SOX15: variants seen among roughly 807,000 people sequenced by gnomAD.
SOX15 encodes the protein transcription factor SOX-15.
SOX15 carries 12 observed loss-of-function variants against 15.9 expected under a neutral mutation model. The observed-to-expected ratio is 0.75, with a 90% CI of 0.48 to 1.22. SOX15 has a LOEUF of 1.22. Ranked by LOEUF, SOX15 falls within the 50% of genes most tolerant of loss-of-function variation. SOX15 has a pLI of 0.00. For missense variants in SOX15, 309 were observed against 313.9 expected, an observed-to-expected ratio of 0.98 and a Z score of 0.12; for synonymous variants, 149 against 142.8, an observed-to-expected ratio of 1.04 and a Z score of -0.31.
In SOX15 at chr17:7,589,690, C is replaced by A; in HGVS notation, c.-14G>T. On this transcript the variant is annotated 5_prime_UTR_variant, in exon 1 of 2. Transcript: ENST00000250055. The stretch of plus-strand genomic sequence containing the variant: ...TGGTAGCGCCATGGGTTGGGAGAAG[C>A]CTTAAGAGGGCGTCCTGAATGCCCT... 1 of 1,521,394 alleles carries A rather than the reference C, an allele frequency of 6.6e-7. No individual in the cohort carries two copies. The highest frequency in any genetic ancestry group is 8.8e-7 in the Non-Finnish European group (1 of 1,140,300). The allele number at this position is 1,521,394 out of a possible 1,614,324, so 94.2% of individuals were successfully genotyped here.
Position 7,588,337 on chromosome 17 carries a change from GGAGGAT to G in SOX15, c.*35_*40del. On this transcript the variant is annotated 3_prime_UTR_variant, in exon 2 of 2. Transcript: ENST00000250055. Reference sequence around the variant, plus strand: ...TAGGGGATGCTGCTGGATTAAAAAAGGAGGATGAGGCCCGTCCCGTGAGGTCTGCGT... The same window carrying G: ...TAGGGGATGCTGCTGGATTAAAAAAGGAGGCCCGTCCCGTGAGGTCTGCGT... 1 of 1,598,380 alleles carries G rather than the reference GGAGGAT, an allele frequency of 6.3e-7. No individual in the cohort carries two copies. The highest frequency in any genetic ancestry group is 8.6e-7 in the Non-Finnish European group (1 of 1,165,778).
At chr17:7,588,670 A>G in intron 1 of SOX15, 124 bp from the exon 2 acceptor site, 1 of 1,083,628 alleles carries the variant, frequency 9.2e-7, no homozygotes, top group South Asian at 1.3e-5. Context: ...CGCTGGGCGC[A>G]GCAGGCATGG....
Position 7,589,290 on chromosome 17 carries a change from G to A in SOX15, c.387C>T (p.Ala129=), listed in dbSNP as rs778097992. The change falls in exon 1 of 2, where the codon GCC becomes GCT. Residue 129 remains alanine, a synonymous_variant. Coordinates refer to ENST00000250055, the MANE Select transcript of SOX15 (RefSeq NM_006942.2). The part of the protein sequence containing the change: ...RPRRKAKSSG[A]GPSRCGQGRG... ...TTCCCTGTCCGCAGCGGGAAGGTCC[G>A]GCGCCCGAGCTCTTGGCCTTGCGCC... The A allele has an allele frequency of 6.3e-7, 1 of 1,577,572 alleles. No individual in the cohort carries two copies.
Position 7,589,899 on chromosome 17 carries a change from T to C in SOX15, c.-223A>G, listed in dbSNP as rs906194294. The stretch of plus-strand genomic sequence containing the variant: ...GTCGAATGCAAAATCCGCTGTCTGG[T>C]GCCCCGGCACTGAAGAGGTGTTCTG... On this transcript the variant is annotated 5_prime_UTR_variant, in exon 1 of 2. Coordinates refer to ENST00000250055, the MANE Select transcript of SOX15 (RefSeq NM_006942.2). 1.4e-5 allele frequency: 8 copies of C among 564,078 alleles called. No individual in the cohort carries two copies. The highest frequency in any genetic ancestry group is 1.1e-4 in the Admixed American group (3 of 28,152). The allele number at this position is 564,078 out of a possible 1,614,324, so 34.9% of individuals were successfully genotyped here. A position where few individuals can be genotyped will look rare whatever the true frequency, so the allele number is the denominator to read the frequency against.
chr17:7,588,592 G>A (rs7211847), intron 1 of SOX15, 46 bp from the exon 2 acceptor site: 580,050 of 1,594,316 alleles, frequency 0.36, 110,728 homozygotes, highest in Middle Eastern at 0.5. Context: ...CTGGGTTGGA[G>A]GTGAGTCTGG....
Position 7,589,549 on chromosome 17 carries a change from G to T in SOX15, c.128C>A (p.Thr43Lys). The T allele has an allele frequency of 1.2e-6, 2 of 1,605,648 alleles. No individual in the cohort carries two copies. Among genetic ancestry groups the T allele is most frequent in the Admixed American group, 3.4e-5 (2 of 59,068 alleles). Residue 43 changes from threonine (T) to lysine (K), a missense_variant, in exon 1 of 2, where the codon ACG becomes AAG. Coordinates refer to ENST00000250055, the MANE Select transcript of SOX15 (RefSeq NM_006942.2). Reference sequence around the variant, plus strand: ...CCGCTTCACCTTCTCCAGGGGCAGCGTCCCGGGGGCCGCGGGGCTCCCAGC... The same window carrying T: ...CCGCTTCACCTTCTCCAGGGGCAGCTTCCCGGGGGCCGCGGGGCTCCCAGC... ...EGAGSPAAPG[T>K]LPLEKVKRPM...
intron 1 of SOX15, among the ~76,000 whole-genome samples, 169 bp from the exon 2 acceptor site, chr17:7,588,715 T>C (rs1439736608): frequency 6.6e-6 from 1 of 152,072 alleles, no homozygotes. Flanking sequence ...CGCGGCCCTG[T>C]TGGGGCACGC....
At position 7,588,360 on chromosome 17, in the gene SOX15, G is replaced by A. The variant is rs773090248; in HGVS notation, c.*18C>T. The A allele has an allele frequency of 2.5e-6, 4 of 1,612,218 alleles. No individual in the cohort carries two copies. The South Asian group carries it at 3.3e-5, about 13-fold the overall frequency. ...AAGGAGGATGAGGCCCGTCCCGTGA[G>A]GTCTGCGTCCATGAGGGTTAGAGGT... On this transcript the variant is annotated 3_prime_UTR_variant, in exon 2 of 2. Coordinates refer to ENST00000250055, the MANE Select transcript of SOX15 (RefSeq NM_006942.2).
rs1404089808 is a variant in SOX15 at position 7,589,227 on chromosome 17, C to T, written c.450G>A (p.Pro150=). 5.2e-6 allele frequency: 8 copies of T among 1,544,476 alleles called. No homozygotes were observed. Among genetic ancestry groups the T allele is most frequent in the Non-Finnish European group, 6.1e-6 (7 of 1,144,098 alleles). Residue 150 remains proline, a synonymous_variant, in exon 1 of 2, where the codon CCG becomes CCA. Coordinates refer to ENST00000250055, the MANE Select transcript of SOX15 (RefSeq NM_006942.2). The part of the protein sequence containing the change: ...NLASGGPLWG[P]GYATTQPSRG... ...TGCTCGGTTGGGTGGTCGCGTACCC[C>T]GGCCCCCAGAGCGGGCCGCCGCTGG...
chr17:7,588,641 C>G, intron 1 of SOX15, 95 bp from the exon 2 acceptor site: 2 of 1,323,800 alleles, frequency 1.5e-6, no homozygotes, highest in Non-Finnish European at 2.2e-6. Context: ...GCCACCCACC[C>G]AGCCCTGGCT....
rs570880233 is a variant in SOX15 at position 7,588,632 on chromosome 17, C to A, written c.534-86G>T. ...TTCTGGGCAGACAGGGTAGAGCGTG[C>A]CACCCACCCAGCCCTGGCTACCCAG... On this transcript the variant is annotated intron_variant, in intron 1 of 1. Transcript: ENST00000250055. 2.9e-6 allele frequency: 4 copies of A among 1,385,920 alleles called. No homozygotes were observed. The East Asian group carries it at 6.9e-5, about 24-fold the overall frequency. The allele number at this position is 1,385,920 out of a possible 1,614,324, so 85.9% of individuals were successfully genotyped here.
At position 7,589,909 on chromosome 17, in the gene SOX15, C is replaced by G; in HGVS notation, c.-233G>C. ...AAATCCGCTGTCTGGTGCCCCGGCACTGAAGAGGTGTTCTGAGGCCTACTG... is the reference window on the plus strand; with the variant it reads ...AAATCCGCTGTCTGGTGCCCCGGCAGTGAAGAGGTGTTCTGAGGCCTACTG... On this transcript the variant is annotated 5_prime_UTR_variant, in exon 1 of 2. Coordinates refer to ENST00000250055, the MANE Select transcript of SOX15 (RefSeq NM_006942.2). 1 of 556,810 alleles carries G rather than the reference C, an allele frequency of 1.8e-6. No homozygotes were observed. Among genetic ancestry groups the G allele is most frequent in the Middle Eastern group, 4.7e-4 (1 of 2,132 alleles). The allele number at this position is 556,810 out of a possible 1,614,324, so 34.5% of individuals were successfully genotyped here. A position where few individuals can be genotyped will look rare whatever the true frequency, so the allele number is the denominator to read the frequency against.
At chr17:7,588,644 C>G (rs1316407086) in intron 1 of SOX15, 98 bp from the exon 2 acceptor site, 1 of 1,287,916 alleles carries the variant, frequency 7.8e-7, no homozygotes, top group Non-Finnish European at 1.1e-6. Context: ...ACCCACCCAG[C>G]CCTGGCTACC....
chr17:7,588,196 T>C lies in SOX15; in HGVS notation c.*182A>G, dbSNP rs1196271510. ...GACTCAGTTGAATAATACAAAACTG[T>C]TTAATACTACCAAAAATATAATTGT... On this transcript the variant is annotated 3_prime_UTR_variant, in exon 2 of 2. Transcript: ENST00000250055. 2.7e-6 allele frequency: 2 copies of C among 753,108 alleles called. No homozygotes were observed. The allele number at this position is 753,108 out of a possible 1,614,324, so 46.7% of individuals were successfully genotyped here.
In SOX15 at chr17:7,589,366, C is replaced by T; in HGVS notation, c.311G>A (p.Arg104Gln). Reference sequence around the variant, plus strand: ...GTCGCGCAGGTGTCGGGCGCGGAGCCGCTTGGCCTCCTCCACGAAGGGCCG... The same window carrying T: ...GTCGCGCAGGTGTCGGGCGCGGAGCTGCTTGGCCTCCTCCACGAAGGGCCG... ...EKRPFVEEAKRLRARHLRDYP... is the reference protein window; with the variant it reads ...EKRPFVEEAKQLRARHLRDYP... The change falls in exon 1 of 2, where the codon CGG becomes CAG. Residue 104 changes from arginine to glutamine, a missense_variant. Physicochemically the swap from Arg to Gln is conservative, Grantham distance 43. Transcript: ENST00000250055. 1 of 1,611,656 alleles carries T rather than the reference C, an allele frequency of 6.2e-7. No individual in the cohort carries two copies. The highest frequency in any genetic ancestry group is 8.5e-7 in the Non-Finnish European group (1 of 1,178,938).
rs770904974 is a variant in SOX15, at chr17:7,589,672, G to T, written c.5C>A (p.Ala2Glu). Residue 2 changes from alanine (A) to glutamate (E), a missense_variant, in exon 1 of 2, where the codon GCG becomes GAG. Coordinates refer to ENST00000250055, the MANE Select transcript of SOX15 (RefSeq NM_006942.2). MALPGSSQDQAW... is the reference protein window; with the variant it reads MELPGSSQDQAW... ...CTGGTCCTGTGAGGAGCCTGGTAGCGCCATGGGTTGGGAGAAGCCTTAAGA... is the reference window on the plus strand; with the variant it reads ...CTGGTCCTGTGAGGAGCCTGGTAGCTCCATGGGTTGGGAGAAGCCTTAAGA... The T allele has an allele frequency of 2.4e-5, 37 of 1,538,128 alleles. No individual in the cohort carries two copies. The highest frequency in any genetic ancestry group is 3.1e-5 in the Non-Finnish European group (35 of 1,146,286).
At chr17:7,588,638 A>T in intron 1 of SOX15, 92 bp from the exon 2 acceptor site, 2 of 1,354,810 alleles carry the variant, frequency 1.5e-6, no homozygotes, top group East Asian at 2.3e-5. Flanking sequence ...CGTGCCACCC[A>T]CCCAGCCCTG....
rs2071632266 is a variant in SOX15 at position 7,589,357 on chromosome 17, G to A, written c.320C>T (p.Ala107Val). 1.2e-6 allele frequency: 2 copies of A among 1,610,508 alleles called. No individual in the cohort carries two copies. The highest frequency in any genetic ancestry group is 1.7e-6 in the Non-Finnish European group (2 of 1,178,338). The change falls in exon 1 of 2, where the codon GCC becomes GTC. Residue 107 changes from alanine (A) to valine (V), a missense_variant. By Grantham distance (64) the Ala-to-Val change is moderately conservative. Coordinates refer to ENST00000250055, the MANE Select transcript of SOX15 (RefSeq NM_006942.2). ...PFVEEAKRLR[A>V]RHLRDYPDYK... is the part of the protein sequence containing the mutation. ...GTCGGGGTAGTCGCGCAGGTGTCGG[G>A]CGCGGAGCCGCTTGGCCTCCTCCAC... is the stretch of plus-strand genomic sequence containing the variant.
intron 1 of SOX15, 153 bp downstream of exon 1, chr17:7,588,991 A>G: frequency 1.5e-6 from 1 of 665,130 alleles, no homozygotes; most frequent in Non-Finnish European, 2.5e-6. Context: ...CACCCTACAC[A>G]GGCCCCGGAG....
Sources: gnomAD v4.1 joint callset for allele counts (sites outside exome capture counted in the v4.1 genomes callset) on GRCh38, gnomAD v4.1.1 for gene constraint, MANE v1.5 for transcripts, NCBI Gene and HGNC (gene_info 2026-07-23, HGNC 2026-07-21) for gene names.